The following IFT74 variants were observed in gnomAD, a reference collection of about 807,000 sequenced individuals.
IFT74 encodes the protein intraflagellar transport 74.
In IFT74, 92 loss-of-function variants were observed where a neutral mutation model predicts 96.7. The ratio of observed to expected loss-of-function variants is 0.95; its 90% CI spans 0.80 to 1.13. The LOEUF is 1.13. Among genes scored for constraint, IFT74 ranks in the 50% most tolerant of loss-of-function variants. The pLI, the probability that IFT74 is intolerant of heterozygous loss-of-function variation, is 0.00. For synonymous variants in IFT74, 223 were observed against 213.2 expected, an observed-to-expected ratio of 1.05 and a Z score of -0.40; for missense variants, 811 against 698.2, an observed-to-expected ratio of 1.16 and a Z score of -1.82.
Position 26,947,172 on chromosome 9 carries a change from AGCCCGAGAGCCGGTACGGAAGG to A in IFT74, c.-20+29_-20+50del. ...GTAAGGGGCGGCCGGAGACCGGAAG[AGCCCGAGAGCCGGTACGGAAGG>A]GCGGCTGGGAAGGGGCGCGCCGAGC... is the stretch of plus-strand genomic sequence containing the variant. On this transcript the variant is annotated intron_variant, in intron 1 of 19. Coordinates refer to the IFT74 transcript ENST00000433700. 5.3e-6 allele frequency: 6 copies of A among 1,135,086 alleles called. No individual in the cohort carries two copies. In the South Asian group the frequency reaches 1.1e-4, roughly 20 times the overall value. The allele number at this position is 1,135,086 out of a possible 1,614,324, so 70.3% of individuals were successfully genotyped here. A position where few individuals can be genotyped will look rare whatever the true frequency, so the allele number is the denominator to read the frequency against.
chr9:26,984,209 T>C (rs749029694), intron 4 of IFT74, 48 bp from the exon 5 acceptor site: 5 of 1,457,216 alleles, frequency 3.4e-6, no homozygotes, highest in South Asian at 2.6e-5. Flanking sequence ...TTAACTAGAG[T>C]TTTCTGGATT....
intron 18 of IFT74, among the ~76,000 whole-genome samples, chr9:27,058,376 A>C (rs1483219832): frequency 6.6e-6 from 1 of 152,054 alleles, no homozygotes; most frequent in African/African-American, 2.4e-5. Flanking sequence ...GGCATGAGCC[A>C]CTGTGCTTAG....
At chr9:27,052,438 G>A (rs1211773311) in intron 16 of IFT74, among the ~76,000 whole-genome samples, 1 of 151,150 alleles carries the variant, frequency 6.6e-6, no homozygotes, top group African/African-American at 2.4e-5. Flanking sequence ...GACCCGGGAG[G>A]TGGAGGTTGC....
chr9:27,044,691 C>T lies in IFT74; in HGVS notation c.1055-51C>T, dbSNP rs556952018. 10 of 1,011,620 alleles carry T rather than the reference C, an allele frequency of 9.9e-6. No individual in the cohort carries two copies. In the East Asian group the frequency reaches 1.9e-4, roughly 19 times the overall value. 62.7% of individuals were successfully genotyped at this position (1,011,620 alleles called of 1,614,324 possible). On this transcript the variant is annotated intron_variant, in intron 13 of 19. Transcript: ENST00000380062. ...CCAAAGAGAGATTTTTAATTTAGAG[C>T]CCTGTATGTGCAATTTTTGAAATTC...
Position 27,005,367 on chromosome 9 carries a change from C to G in IFT74, c.588-3653C>G, listed in dbSNP as rs886564422. Among the ~76,000 whole-genome samples the G allele has an allele frequency of 1.3e-3, 136 of 102,752 alleles. 3 individuals carry two copies. Among genetic ancestry groups the G allele is most frequent in the Non-Finnish European group, 2.3e-3 (110 of 48,262 alleles). 67.4% of individuals were successfully genotyped at this position (102,752 alleles called of 152,430 possible). Reference sequence around the variant, plus strand: ...TGAAACCATTTCCCCCCCCGCCCCCCGCAAAACAATTACTTAGTATTGTAT... The same window carrying G: ...TGAAACCATTTCCCCCCCCGCCCCCGGCAAAACAATTACTTAGTATTGTAT... On this transcript the variant is annotated intron_variant, in intron 8 of 19. Transcript: ENST00000380062.
intron 13 of IFT74, chr9:27,036,635 A>C: frequency 7.0e-7 from 1 of 1,435,740 alleles, no homozygotes; most frequent in Non-Finnish European, 9.1e-7. Context: ...AGCAGTGTTC[A>C]TCTGGCATTT....
At chr9:26,989,013 T>A (rs1039700262) in intron 7 of IFT74, among the ~76,000 whole-genome samples, 1 of 152,190 alleles carries the variant, frequency 6.6e-6, no homozygotes, top group African/African-American at 2.4e-5. Context: ...TTTCCTTATA[T>A]ATATTAGTTT....
chr9:27,003,086 A>T (rs1828585461), intron 8 of IFT74, among the ~76,000 whole-genome samples: 1 of 151,958 alleles, frequency 6.6e-6, no homozygotes, highest in Admixed American at 6.6e-5. Context: ...TCTTTTTCAG[A>T]TTCTTCACTG....
At chr9:27,014,163 C>T (rs1829238212) in intron 10 of IFT74, among the ~76,000 whole-genome samples, 1 of 152,050 alleles carries the variant, frequency 6.6e-6, no homozygotes, top group Non-Finnish European at 1.5e-5. Context: ...TGCAGTGAGC[C>T]AAGATCACGC....
intron 8 of IFT74, among the ~76,000 whole-genome samples, chr9:27,001,881 CA>C (rs1240960228): frequency 2.0e-5 from 3 of 150,788 alleles, no homozygotes; most frequent in Non-Finnish European, 4.4e-5. Context: ...CTTAGAGACA[CA>C]AAAAAATCTT....
chr9:27,002,934 A>G (rs373112389), intron 8 of IFT74, among the ~76,000 whole-genome samples: 1 of 150,396 alleles, frequency 6.6e-6, no homozygotes, highest in Non-Finnish European at 1.5e-5. Flanking sequence ...TTATATTTCC[A>G]TTTTTTTTTG....
At chr9:27,043,591 G>C (rs983571041) in intron 13 of IFT74, among the ~76,000 whole-genome samples, 3 of 152,146 alleles carry the variant, frequency 2.0e-5, no homozygotes, top group African/African-American at 7.2e-5. Context: ...TCTAGGCCTT[G>C]GATTTTTGTC....
chr9:26,949,364 G>A (rs1271574209), intron 1 of IFT74, among the ~76,000 whole-genome samples: 1 of 152,170 alleles, frequency 6.6e-6, no homozygotes, highest in Non-Finnish European at 1.5e-5. Context: ...CAGCTCTGGA[G>A]CCCAACTCAA....
intron 2 of IFT74, among the ~76,000 whole-genome samples, chr9:26,962,306 T>A (rs1826402417): frequency 6.6e-6 from 1 of 152,246 alleles, no homozygotes; most frequent in Non-Finnish European, 1.5e-5. Flanking sequence ...TGTTTCTTTA[T>A]TTCATAAGCA....
upstream of IFT74, among the ~76,000 whole-genome samples, chr9:26,953,780 G>A (rs1826004058): frequency 6.6e-6 from 1 of 152,132 alleles, no homozygotes; most frequent in South Asian, 2.1e-4. Context: ...AAAATGTTGG[G>A]ATTAGAGGCA....
At chr9:27,033,555 C>G (rs899173035) in intron 13 of IFT74, among the ~76,000 whole-genome samples, 7 of 113,088 alleles carry the variant, frequency 6.2e-5, no homozygotes, top group African/African-American at 2.4e-4. Context: ...GCCTGGATAA[C>G]AAAGTGAGAC....
chr9:26,989,729 G>T (rs375827952), intron 7 of IFT74, among the ~76,000 whole-genome samples: 105 of 152,224 alleles, frequency 6.9e-4, no homozygotes, highest in South Asian at 6.6e-3. Context: ...GGTGTGCACA[G>T]GTAGAGTTAA....
At chr9:27,027,515 G>T (rs1587378645) in intron 12 of IFT74, among the ~76,000 whole-genome samples, 1 of 152,174 alleles carries the variant, frequency 6.6e-6, no homozygotes, top group Middle Eastern at 3.4e-3. Context: ...ATTCCTAATG[G>T]GTATGAAGCG....
intron 2 of IFT74, among the ~76,000 whole-genome samples, chr9:26,971,533 CT>C (rs1260325811): frequency 6.6e-6 from 1 of 151,950 alleles, no homozygotes; most frequent in Non-Finnish European, 1.5e-5. Context: ...ATTAATTTTT[CT>C]TTTTCAGTGG....
Sources: allele counts gnomAD v4.1 joint callset (sites outside exome capture counted in the v4.1 genomes callset), GRCh38; gene constraint gnomAD v4.1.1; transcripts MANE v1.5; gene names NCBI Gene and HGNC (gene_info 2026-07-23, HGNC 2026-07-21).